TRIOBP: variants seen among roughly 807,000 people sequenced by gnomAD.
TRIOBP encodes TRIO and F-actin-binding protein.
In TRIOBP, 169 loss-of-function variants were observed where a neutral mutation model predicts 238.8. The observed-to-expected ratio is 0.71, with a 90% CI of 0.62 to 0.80. The LOEUF (loss-of-function observed/expected upper bound fraction) is 0.80, where lower values mean the gene tolerates loss of function less well. Ranked by LOEUF, TRIOBP falls within the 30% of genes least tolerant of loss-of-function variation. TRIOBP has a pLI of 0.00. For missense variants in TRIOBP, 2,838 were observed against 3,122.6 expected, an observed-to-expected ratio of 0.91 and a Z score of 2.17; for synonymous variants, 1,150 against 1,274.4, an observed-to-expected ratio of 0.90 and a Z score of 2.08.
intron 5 of TRIOBP, among the ~76,000 whole-genome samples, chr22:37,714,495 T>A (rs57651956): frequency 0.053 from 8,073 of 152,108 alleles, 245 homozygotes; most frequent in South Asian, 0.094. Context: ...ATGGTGAAAC[T>A]CTGTCTCTAC....
chr22:37,735,553 A>G (rs1924629718), intron 9 of TRIOBP, 111 bp downstream of exon 9: 4 of 1,306,286 alleles, frequency 3.1e-6, no homozygotes, highest in Admixed American at 4.0e-5. Flanking sequence ...ATCCCCCTCC[A>G]GGCTCAGACC....
At chr22:37,738,593 A>G (rs1242392236) in intron 9 of TRIOBP, 49 bp from the exon 10 acceptor site, 3 of 1,578,558 alleles carry the variant, frequency 1.9e-6, no homozygotes, top group Non-Finnish European at 2.6e-6. Flanking sequence ...AGATGCATGC[A>G]TCCTGGAGAA....
chr22:37,725,005 A>AG lies in TRIOBP; in HGVS notation c.2449_2450insG (p.Thr817SerfsTer19). 1.9e-6 allele frequency: 3 copies of AG among 1,614,050 alleles called. No homozygotes were observed. Among genetic ancestry groups the AG allele is most frequent in the Non-Finnish European group, 2.5e-6 (3 of 1,179,906 alleles). On this transcript the variant is annotated frameshift_variant, in exon 7 of 24. Transcript: ENST00000644935. LOFTEE classifies it high-confidence loss of function. ...AGCCACCCAACAGGACAACCCCAGA[A>AG]CTTGTATTCAACAGAACATCCCCAG... is the stretch of plus-strand genomic sequence containing the variant.
chr22:37,755,273 T>C, intron 14 of TRIOBP, 83 bp downstream of exon 14: 1 of 1,385,734 alleles, frequency 7.2e-7, no homozygotes, highest in South Asian at 1.2e-5. Flanking sequence ...TGAACATGGC[T>C]CACCATGGAG....
intron 2 of TRIOBP, among the ~76,000 whole-genome samples, chr22:37,700,085 C>T (rs1046867448): frequency 6.6e-6 from 1 of 151,702 alleles, no homozygotes; most frequent in African/African-American, 2.4e-5. Context: ...CCATGTTGGC[C>T]AGGCTGGTCT....
intron 10 of TRIOBP, 125 bp from the exon 11 acceptor site, chr22:37,740,766 GGAGA>G (rs2145848058): frequency 7.3e-7 from 1 of 1,365,218 alleles, no homozygotes; most frequent in Non-Finnish European, 1.0e-6. Context: ...AGTTCTGGGA[GGAGA>G]GAAAGATGGG....
rs777934333 is a variant in TRIOBP, at chr22:37,701,375, G to T, written c.10G>T (p.Val4Leu). 1 of 1,613,114 alleles carries T rather than the reference G, an allele frequency of 6.2e-7. No individual in the cohort carries two copies. The highest frequency in any genetic ancestry group is 8.5e-7 in the Non-Finnish European group (1 of 1,179,660). Residue 4 changes from valine to leucine, a missense_variant, in exon 3 of 24, where the codon GTG (valine) becomes TTG (leucine). Coordinates refer to ENST00000644935, the MANE Select transcript of TRIOBP (RefSeq NM_001039141.3). Reference sequence around the variant, plus strand: ...GCCTGACTCACCCAATATGGAGGAGGTGCCTGGGGATGCCCTGTGTGAACA... The same window carrying T: ...GCCTGACTCACCCAATATGGAGGAGTTGCCTGGGGATGCCCTGTGTGAACA... MEE[V>L]PGDALCEHFE...
chr22:37,716,615 A>G (rs1923534410), intron 6 of TRIOBP, among the ~76,000 whole-genome samples: 1 of 152,190 alleles, frequency 6.6e-6, no homozygotes, highest in Non-Finnish European at 1.5e-5. Flanking sequence ...TTTTTAGTAG[A>G]GACAGGGTTT....
chr22:37,708,009 G>A (rs1330960242), intron 3 of TRIOBP, among the ~76,000 whole-genome samples: 1 of 151,260 alleles, frequency 6.6e-6, no homozygotes, highest in Non-Finnish European at 1.5e-5. Flanking sequence ...CACTTTGGGA[G>A]GCCGAGGCGG....
At chr22:37,735,464 C>T in intron 9 of TRIOBP, 22 bp downstream of exon 9, 2 of 1,546,668 alleles carry the variant, frequency 1.3e-6, no homozygotes, top group South Asian at 1.2e-5. Context: ...TCCACCCTCC[C>T]AAGGGTAGCC....
rs779032542 is a variant in TRIOBP at position 37,724,664 on chromosome 22, G to C, written c.2108G>C (p.Arg703Pro). Residue 703 changes from arginine to proline, a missense_variant, in exon 7 of 24, where the codon CGG (arginine) becomes CCG (proline). Physicochemically the swap from Arg to Pro is moderately radical, Grantham distance 103. Transcript: ENST00000644935. ...AACCCCAGAACATCCTGTGCCCAAC[G>C]GGACGATCCCAGAGCCTCCTCTCCT... The part of the protein sequence containing the change: ...QENPRTSCAQ[R>P]DDPRASSPNR... 6.2e-7 allele frequency: 1 copy of C among 1,602,814 alleles called. No individual in the cohort carries two copies. Among genetic ancestry groups the C allele is most frequent in the Non-Finnish European group, 8.5e-7 (1 of 1,176,810 alleles).
chr22:37,738,081 CAG>C lies in TRIOBP; in HGVS notation c.5107-560_5107-559del, dbSNP rs373894480. ...GTGGATGCATGCAAGATGGAGGACACAGGGGTCAGTGGGTGAACAATGAATGA... is the reference window on the plus strand; with the variant it reads ...GTGGATGCATGCAAGATGGAGGACACGGGTCAGTGGGTGAACAATGAATGA... On this transcript the variant is annotated intron_variant, in intron 9 of 23. Transcript: ENST00000644935. Among the ~76,000 whole-genome samples the C allele has an allele frequency of 4.8e-3, 734 of 152,290 alleles. 7 individuals are homozygous for C. The highest frequency in any genetic ancestry group is 0.017 in the African/African-American group (693 of 41,542).
At chr22:37,710,618 A>G (rs770531283) in intron 4 of TRIOBP, 52 bp downstream of exon 4, 1 of 1,575,052 alleles carries the variant, frequency 6.3e-7, no homozygotes. Context: ...GAATGCCCTC[A>G]CCCTTCCCAT....
chr22:37,725,616 C>T lies in TRIOBP; in HGVS notation c.3060C>T (p.His1020=), dbSNP rs755648578. Reference sequence around the variant, plus strand: ...CTCCATGTGCTGTGTGCATTGGGCACCGGGATGCCCCTCGAGCCTCTTCGC... The same window carrying T: ...CTCCATGTGCTGTGTGCATTGGGCATCGGGATGCCCCTCGAGCCTCTTCGC... The part of the protein sequence containing the change: ...SQPPCAVCIG[H]RDAPRASSPP... Residue 1020 remains histidine (H), a synonymous_variant, in exon 7 of 24, where the codon CAC becomes CAT. Transcript: ENST00000644935. 14 of 1,613,836 alleles carry T rather than the reference C, an allele frequency of 8.7e-6. No homozygotes were observed. Among genetic ancestry groups the T allele is most frequent in the Admixed American group, 3.3e-5 (2 of 59,990 alleles).
chr22:37,748,331 C>T (rs1925390831), intron 11 of TRIOBP, among the ~76,000 whole-genome samples: 1 of 152,200 alleles, frequency 6.6e-6, no homozygotes, highest in Non-Finnish European at 1.5e-5. Context: ...GGGATCCATA[C>T]AGAGCAAGTG....
chr22:37,759,290 G>C lies in TRIOBP; in HGVS notation c.6324+26G>C, dbSNP rs1427645794. 1.2e-5 allele frequency: 19 copies of C among 1,602,230 alleles called. No individual in the cohort carries two copies. In the Middle Eastern group the frequency reaches 1.5e-3, roughly 126 times the overall value. On this transcript the variant is annotated intron_variant, in intron 17 of 23. Transcript: ENST00000644935. ...GTAAGGCCGGGGGGCTGTTTTTCAG[G>C]GGGAGGGGGCAGATTTCTGCTTGCC...
At chr22:37,771,835 C>A in intron 22 of TRIOBP, 99 bp downstream of exon 22, 1 of 1,045,060 alleles carries the variant, frequency 9.6e-7, no homozygotes. Context: ...CCACTCGCTT[C>A]ATCCTTCCTC....
At chr22:37,739,339 G>A (rs774093145) in intron 10 of TRIOBP, among the ~76,000 whole-genome samples, 2 of 152,172 alleles carry the variant, frequency 1.3e-5, no homozygotes, top group African/African-American at 2.4e-5. Flanking sequence ...GGGGGAGGAG[G>A]AGACAGACTG....
At position 37,763,516 on chromosome 22, in the gene TRIOBP, C is replaced by T. The variant is rs150997510; in HGVS notation, c.6325-2154C>T. ...TGGAGAGGCGGGGAGGTGGCCTTTG[C>T]GTGGGGGAGACAGTCCCTCATCTGG... On this transcript the variant is annotated intron_variant, in intron 17 of 23. Transcript: ENST00000644935. Among the ~76,000 whole-genome samples the T allele has an allele frequency of 5.0e-3, 763 of 152,202 alleles. 11 individuals carry two copies. Among genetic ancestry groups the T allele is most frequent in the African/African-American group, 0.018 (727 of 41,506 alleles).
Sources: allele counts gnomAD v4.1 joint callset (sites outside exome capture counted in the v4.1 genomes callset), GRCh38; gene constraint gnomAD v4.1.1; transcripts MANE v1.5; gene names NCBI Gene and HGNC (gene_info 2026-07-23, HGNC 2026-07-21).